Variants in GRM7 observed in about 807,000 individuals in gnomAD.
The protein encoded by GRM7 is glutamate metabotropic receptor 7, also known as metabotropic glutamate receptor 7.
GRM7 carries 35 observed loss-of-function variants against 84.5 expected under a neutral mutation model. That is an observed-to-expected ratio of 0.41 (90% CI 0.32 to 0.55). The LOEUF (loss-of-function observed/expected upper bound fraction) is 0.55, where lower values mean the gene tolerates loss of function less well. GRM7 is among the 20% of genes least tolerant of loss of function. The probability of loss-of-function intolerance (pLI) is 0.19; values close to 1 mark genes in which losing one functional copy is unlikely to be tolerated. For missense variants in GRM7, 1,003 were observed against 1,194.6 expected, an observed-to-expected ratio of 0.84 and a Z score of 2.36; for synonymous variants, 487 against 455.1, an observed-to-expected ratio of 1.07 and a Z score of -0.89.
chr3:7,063,703 G>A (rs1697514310), intron 1 of GRM7, among the ~76,000 whole-genome samples: 1 of 121,366 alleles, frequency 8.2e-6, no homozygotes, highest in Non-Finnish European at 1.8e-5. Flanking sequence ...TGGCTCATAG[G>A]TGAAACTCCC....
At chr3:7,470,994 G>T (rs747651825) in intron 7 of GRM7, among the ~76,000 whole-genome samples, 1 of 151,364 alleles carries the variant, frequency 6.6e-6, no homozygotes. Context: ...TTTGAGTCCT[G>T]CCTTTTCTGC....
chr3:7,061,639 G>C (rs552117968), intron 1 of GRM7, among the ~76,000 whole-genome samples: 1 of 151,632 alleles, frequency 6.6e-6, no homozygotes, highest in Non-Finnish European at 1.5e-5. Flanking sequence ...TAATGAAAGA[G>C]CAAATTAAGG....
chr3:7,421,862 A>T (rs926785276), intron 5 of GRM7, among the ~76,000 whole-genome samples: 64 of 150,338 alleles, frequency 4.3e-4, no homozygotes, highest in Admixed American at 1.4e-3. Flanking sequence ...CTGTATTTTT[A>T]AAAAATAGGG....
chr3:7,606,144 AT>A (rs1696556662), intron 8 of GRM7, among the ~76,000 whole-genome samples: 3 of 152,238 alleles, frequency 2.0e-5, no homozygotes, highest in African/African-American at 7.2e-5. Context: ...ATTAATTAAT[AT>A]TCTTCAATGC....
At chr3:7,062,361 C>A (rs1311202942) in intron 1 of GRM7, among the ~76,000 whole-genome samples, 2 of 151,554 alleles carry the variant, frequency 1.3e-5, no homozygotes, top group African/African-American at 4.8e-5. Flanking sequence ...GTAAAAGGAG[C>A]ACCCATCTGC....
intron 1 of GRM7, among the ~76,000 whole-genome samples, chr3:7,124,673 T>C (rs1574934940): frequency 1.3e-5 from 2 of 152,200 alleles, no homozygotes; most frequent in South Asian, 2.1e-4. Context: ...TACTTTTTTC[T>C]TATTAACAGA....
At chr3:7,406,729 A>T (rs149480472) in intron 4 of GRM7, among the ~76,000 whole-genome samples, 179 of 152,332 alleles carry the variant, frequency 1.2e-3, no homozygotes, top group African/African-American at 4.1e-3. Context: ...CATATCTGGT[A>T]AAACTAATAA....
chr3:7,435,851 C>CTTTTTTTTT (rs34860272), intron 5 of GRM7, among the ~76,000 whole-genome samples: 2,953 of 88,978 alleles, frequency 0.033, no homozygotes, highest in East Asian at 0.055. Context: ...CCACACCCAT[C>CTTTTTTTTT]TTTTTTTTTT....
At chr3:7,129,630 C>G (rs1693524976) in intron 1 of GRM7, among the ~76,000 whole-genome samples, 1 of 152,072 alleles carries the variant, frequency 6.6e-6, no homozygotes, top group Admixed American at 6.6e-5. Flanking sequence ...TATCCCCTTT[C>G]TTACTGCTTG....
chr3:7,428,555 A>G (rs1289302978), intron 5 of GRM7, among the ~76,000 whole-genome samples: 1 of 152,170 alleles, frequency 6.6e-6, no homozygotes, highest in Non-Finnish European at 1.5e-5. Flanking sequence ...ACTGCTCATG[A>G]TATCACTTGG....
chr3:7,658,725 A>G (rs1284344613), intron 8 of GRM7, among the ~76,000 whole-genome samples: 1 of 152,230 alleles, frequency 6.6e-6, no homozygotes, highest in Non-Finnish European at 1.5e-5. Flanking sequence ...AATAGTCCAC[A>G]GAATGTCAAA....
chr3:6,916,580 A>G (rs1011718628), intron 1 of GRM7, among the ~76,000 whole-genome samples: 20 of 152,118 alleles, frequency 1.3e-4, no homozygotes, highest in African/African-American at 4.8e-4. Flanking sequence ...GGCTCTCGGC[A>G]TCTTGGGCAC....
Position 7,559,215 on chromosome 3 carries a change from A to G in GRM7, c.1516-19207A>G, listed in dbSNP as rs531848618. 2.0e-5 allele frequency: 3 copies of G among 151,382 alleles called. No homozygotes were observed. In the Admixed American group the frequency reaches 2.0e-4, roughly 10 times the overall value. 9.4% of individuals were successfully genotyped at this position (151,382 alleles called of 1,614,324 possible). ...ATCAACAAGATATGTGGCCCAAGAC[A>G]GCTGCTTGGCTTCCCATCCAAGATA... On this transcript the variant is annotated intron_variant, in intron 7 of 9. Coordinates refer to ENST00000357716, the MANE Select transcript of GRM7 (RefSeq NM_000844.4).
At chr3:7,716,947 C>A (rs1169014974) in intron 9 of GRM7, among the ~76,000 whole-genome samples, 3 of 152,126 alleles carry the variant, frequency 2.0e-5, no homozygotes, top group Admixed American at 6.6e-5. Flanking sequence ...TCACTGTACT[C>A]TGTTTACTTG....
chr3:7,053,213 T>A (rs1697074406), intron 1 of GRM7, among the ~76,000 whole-genome samples: 1 of 151,268 alleles, frequency 6.6e-6, no homozygotes, highest in South Asian at 2.1e-4. Flanking sequence ...TGGTAAAATG[T>A]CTATTCAAAT....
At chr3:7,250,911 G>A (rs1697960663) in intron 2 of GRM7, among the ~76,000 whole-genome samples, 2 of 152,258 alleles carry the variant, frequency 1.3e-5, no homozygotes, top group South Asian at 4.1e-4. Flanking sequence ...AGTAGATCTT[G>A]TTCACTTATG....
At chr3:6,980,224 G>C (rs1694146034) in intron 1 of GRM7, among the ~76,000 whole-genome samples, 2 of 152,104 alleles carry the variant, frequency 1.3e-5, no homozygotes, top group South Asian at 4.1e-4. Context: ...TGAATAATCA[G>C]AGCATAATGT....
chr3:7,078,330 A>C (rs1310873044), intron 1 of GRM7, among the ~76,000 whole-genome samples: 1 of 152,210 alleles, frequency 6.6e-6, no homozygotes, highest in East Asian at 1.9e-4. Context: ...TATTGATTCA[A>C]GAATCTGCAT....
chr3:7,207,377 A>C (rs1301747214), intron 2 of GRM7, among the ~76,000 whole-genome samples: 1 of 152,146 alleles, frequency 6.6e-6, no homozygotes, highest in African/African-American at 2.4e-5. Flanking sequence ...GAGCTTGCCA[A>C]GTGTTTCTGT....
Sources: gnomAD v4.1 joint callset for allele counts (sites outside exome capture counted in the v4.1 genomes callset) on GRCh38, gnomAD v4.1.1 for gene constraint, MANE v1.5 for transcripts, NCBI Gene and HGNC (gene_info 2026-07-23, HGNC 2026-07-21) for gene names.